SLC39A14: variants seen among roughly 807,000 people sequenced by gnomAD.
The protein encoded by SLC39A14 is metal cation symporter ZIP14.
Under a neutral mutation model 45.5 loss-of-function variants are expected in SLC39A14, and 19 were observed. The observed-to-expected ratio is 0.42, with a 90% confidence interval of 0.29 to 0.61. The LOEUF is 0.61. Among genes scored for constraint, SLC39A14 ranks in the 20% least tolerant of loss-of-function variants. The pLI is 0.22. For synonymous variants in SLC39A14, 264 were observed against 251.3 expected, an observed-to-expected ratio of 1.05 and a Z score of -0.48; for missense variants, 447 against 616.5, an observed-to-expected ratio of 0.73 and a Z score of 2.91.
chr8:22,416,677 C>T (rs909538461), intron 7 of SLC39A14, among the ~76,000 whole-genome samples: 7 of 151,838 alleles, frequency 4.6e-5, no homozygotes, highest in Non-Finnish European at 7.4e-5. Context: ...CCTCGTGATC[C>T]GCCCGCCTCA....
downstream of SLC39A14, among the ~76,000 whole-genome samples, chr8:22,423,620 C>T (rs1188246900): frequency 6.6e-6 from 1 of 151,954 alleles, no homozygotes; most frequent in Non-Finnish European, 1.5e-5. Flanking sequence ...CAGGCGTGAG[C>T]CACTGGCCAT....
intron 1 of SLC39A14, among the ~76,000 whole-genome samples, chr8:22,369,796 A>G (rs1832832874): frequency 6.6e-6 from 1 of 152,080 alleles, no homozygotes; most frequent in Non-Finnish European, 1.5e-5. Context: ...GCTGCTTGTC[A>G]TCATTCTCAT....
At chr8:22,433,457 ATAG>A (rs1836497667) in intron 8 of SLC39A14, among the ~76,000 whole-genome samples, 1 of 151,904 alleles carries the variant, frequency 6.6e-6, no homozygotes, top group African/African-American at 2.4e-5. Flanking sequence ...CCTGGGCTCA[ATAG>A]ATCCTCCTGC....
chr8:22,385,173 A>G (rs1295348308), intron 1 of SLC39A14, among the ~76,000 whole-genome samples: 2 of 152,206 alleles, frequency 1.3e-5, no homozygotes, highest in Non-Finnish European at 2.9e-5. Context: ...CGTTGAAACA[A>G]CTGCAGGAGA....
Position 22,420,215 on chromosome 8 carries a change from A to AT in SLC39A14, c.*519dup. On this transcript the variant is annotated 3_prime_UTR_variant, in exon 9 of 9. Transcript: ENST00000381237. The stretch of plus-strand genomic sequence containing the variant: ...TTTTTCAAAGTCTGTTTAATTGCCT[A>AT]TTACTTCTCTCAAAGAGAACCTGAA... The AT allele has an allele frequency of 1.0e-6, 1 of 985,896 alleles. No individual in the cohort carries two copies. Among genetic ancestry groups the AT allele is most frequent in the African/African-American group, 1.7e-5 (1 of 57,354 alleles). The allele number at this position is 985,896 out of a possible 1,614,324, so 61.1% of individuals were successfully genotyped here.
At chr8:22,386,429 G>A (rs940960393) in intron 1 of SLC39A14, among the ~76,000 whole-genome samples, 1 of 151,652 alleles carries the variant, frequency 6.6e-6, no homozygotes, top group Admixed American at 6.6e-5. Flanking sequence ...ACCACGCCTG[G>A]CTAATTTTTG....
intron 3 of SLC39A14, among the ~76,000 whole-genome samples, chr8:22,409,171 G>A (rs946223654): frequency 3.9e-5 from 6 of 151,966 alleles, no homozygotes; most frequent in Non-Finnish European, 7.4e-5. Flanking sequence ...GCTGCACTTG[G>A]CCCCTGAATC....
rs1328727960 is a variant in SLC39A14 at position 22,367,367 on chromosome 8, G to C, written c.-57G>C. 1 of 151,988 alleles carries C rather than the reference G, an allele frequency of 6.6e-6. No individual in the cohort carries two copies. Among genetic ancestry groups the C allele is most frequent in the African/African-American group, 2.4e-5 (1 of 41,416 alleles). The allele number at this position is 151,988 out of a possible 1,614,324, so 9.4% of individuals were successfully genotyped here. On this transcript the variant is annotated 5_prime_UTR_variant, in exon 1 of 9. Transcript: ENST00000381237. The surrounding 1 kb of genome is among the most constrained non-coding windows in gnomAD (Gnocchi z 4.2). ...GCCGCCGCCGGCCGCCTGGGACCTTGCGGTGAGGCTGCGCGGGGCCGAGGC... is the reference window on the plus strand; with the variant it reads ...GCCGCCGCCGGCCGCCTGGGACCTTCCGGTGAGGCTGCGCGGGGCCGAGGC...
chr8:22,367,485 G>C lies in SLC39A14; in HGVS notation c.-16+77G>C, dbSNP rs1418854467. On this transcript the variant is annotated intron_variant, in intron 1 of 8. Coordinates refer to ENST00000381237, the MANE Select transcript of SLC39A14 (RefSeq NM_001128431.4). The surrounding 1 kb of genome is among the most constrained non-coding windows in gnomAD (Gnocchi z 4.2). Reference sequence around the variant, plus strand: ...CGCACCCCAGGCTGGGGCAGTGGGTGGGGGCGGGGACAGCCCTGCGCCGAG... The same window carrying C: ...CGCACCCCAGGCTGGGGCAGTGGGTCGGGGCGGGGACAGCCCTGCGCCGAG... The C allele has an allele frequency of 6.6e-6, 1 of 152,188 alleles. No homozygotes were observed. Among genetic ancestry groups the C allele is most frequent in the Non-Finnish European group, 1.5e-5 (1 of 68,068 alleles). 9.4% of individuals were successfully genotyped at this position (152,188 alleles called of 1,614,324 possible). A position where few individuals can be genotyped will look rare whatever the true frequency, so the allele number is the denominator to read the frequency against.
chr8:22,397,606 G>T (rs1834577370), intron 1 of SLC39A14, among the ~76,000 whole-genome samples: 1 of 151,750 alleles, frequency 6.6e-6, no homozygotes, highest in African/African-American at 2.4e-5. Context: ...AAAAAAGAAA[G>T]ACCTCCTCCT....
intron 1 of SLC39A14, among the ~76,000 whole-genome samples, chr8:22,392,398 C>T (rs542251854): frequency 8.4e-4 from 128 of 152,154 alleles, no homozygotes; most frequent in African/African-American, 3.0e-3. Context: ...TGTGGCACGT[C>T]GTGTTGTCCA....
intron 8 of SLC39A14, among the ~76,000 whole-genome samples, chr8:22,429,640 T>A (rs1422702262): frequency 6.6e-6 from 1 of 152,044 alleles, no homozygotes; most frequent in African/African-American, 2.4e-5. Context: ...GGATGGGAGG[T>A]AGACGAGAAG....
chr8:22,425,323 AT>A (rs1410883107), downstream of SLC39A14, among the ~76,000 whole-genome samples: 1 of 152,198 alleles, frequency 6.6e-6, no homozygotes, highest in Non-Finnish European at 1.5e-5. Context: ...CATCTAGGAC[AT>A]TTTTGGTGGA....
chr8:22,416,629 G>T (rs1201815716), intron 7 of SLC39A14, among the ~76,000 whole-genome samples: 2 of 151,402 alleles, frequency 1.3e-5, no homozygotes, highest in East Asian at 1.9e-4. Context: ...TAGAGACAGG[G>T]TTTCACTACG....
chr8:22,423,786 T>TTCTTTCTCTCTCTCTCTCTCTCTCTCTC (rs1836331187), downstream of SLC39A14, among the ~76,000 whole-genome samples: 3 of 122,170 alleles, frequency 2.5e-5, no homozygotes, highest in African/African-American at 8.6e-5. Flanking sequence ...TTTAATTGGT[T>TTCTTTCTCTCTCTCTCTCTCTCTCTCTC]TCTCTCTCTC....
downstream of SLC39A14, among the ~76,000 whole-genome samples, chr8:22,427,048 T>C (rs1836398914): frequency 6.6e-6 from 1 of 151,702 alleles, no homozygotes; most frequent in African/African-American, 2.4e-5. Flanking sequence ...ATCCCAGCAC[T>C]TTGGGAGGCC....
chr8:22,398,099 A>T (rs945212944), intron 1 of SLC39A14: 2 of 152,170 alleles, frequency 1.3e-5, no homozygotes, highest in African/African-American at 4.8e-5. Flanking sequence ...TCAGTGGTGG[A>T]ACCAAGAGCT....
intron 1 of SLC39A14, among the ~76,000 whole-genome samples, chr8:22,372,964 TA>T (rs796821580): frequency 1.7e-3 from 243 of 147,268 alleles, no homozygotes; most frequent in African/African-American, 4.4e-3. Flanking sequence ...ACGTTAACAT[TA>T]AAAAAAAAAA....
At chr8:22,372,295 T>C (rs1023185572) in intron 1 of SLC39A14, among the ~76,000 whole-genome samples, 1 of 152,180 alleles carries the variant, frequency 6.6e-6, no homozygotes, top group African/African-American at 2.4e-5. Context: ...AAACCTTGTC[T>C]TCCCCCAGCT....
Sources: gnomAD v4.1 joint callset for allele counts (sites outside exome capture counted in the v4.1 genomes callset) on GRCh38, gnomAD v4.1.1 for gene constraint, Gnocchi (gnomAD v3.1) non-coding constraint, MANE v1.5 for transcripts, NCBI Gene and HGNC (gene_info 2026-07-23, HGNC 2026-07-21) for gene names.